Variants in PHACTR2 observed in about 807,000 individuals in gnomAD.
The protein encoded by PHACTR2 is phosphatase and actin regulator 2, also known as chromosome 6 open reading frame 56.
A neutral mutation model predicts 76.0 loss-of-function variants in PHACTR2; 30 were observed. That is an observed-to-expected ratio of 0.39 (90% confidence interval 0.30 to 0.54). PHACTR2 has a LOEUF of 0.54. Among genes scored for constraint, PHACTR2 ranks in the 20% least tolerant of loss-of-function variants. The pLI is 0.61. For missense variants in PHACTR2, 696 were observed against 781.1 expected, an observed-to-expected ratio of 0.89 and a Z score of 1.30; for synonymous variants, 292 against 292.5, an observed-to-expected ratio of 1.00 and a Z score of 0.02.
chr6:143,637,092 A>C (rs1776468181), intron 1 of PHACTR2, among the ~76,000 whole-genome samples: 1 of 152,176 alleles, frequency 6.6e-6, no homozygotes, highest in African/African-American at 2.4e-5. Context: ...AGTGGTAGGG[A>C]TGGAGTGTCC....
intron 1 of PHACTR2, among the ~76,000 whole-genome samples, chr6:143,694,787 C>T (rs748811535): frequency 2.0e-5 from 3 of 152,330 alleles, no homozygotes; most frequent in Admixed American, 6.5e-5. Context: ...TGATTCATTA[C>T]GACTAACTGC....
chr6:143,740,852 T>C (rs1778925200), intron 2 of PHACTR2, among the ~76,000 whole-genome samples: 1 of 152,236 alleles, frequency 6.6e-6, no homozygotes, highest in Non-Finnish European at 1.5e-5. Context: ...AGCAGGAGTC[T>C]TTTGGTTACA....
rs756307843 is a variant in PHACTR2 at position 143,760,558 on chromosome 6, T to TA, written c.620dup (p.Asn207LysfsTer7). ...ACAAAGGTGATGAAGTGCCTCCCAT[T>TA]AAAAAAAATACCAAGGCTCCTGGTA... On this transcript the variant is annotated frameshift_variant, in exon 5 of 13. Coordinates refer to ENST00000440869, the MANE Select transcript of PHACTR2 (RefSeq NM_001100164.2). LOFTEE classifies it high-confidence loss of function. This position sits in a 1 kb window ranked among gnomAD's most constrained non-coding sequence, Gnocchi z 6.4. 41 of 1,609,498 alleles carry TA rather than the reference T, an allele frequency of 2.5e-5. No homozygotes were observed. The highest frequency in any genetic ancestry group is 3.2e-5 in the Non-Finnish European group (38 of 1,176,724).
At chr6:143,560,689 A>T (rs989352460) in intron 1 of PHACTR2, among the ~76,000 whole-genome samples, 1 of 152,148 alleles carries the variant, frequency 6.6e-6, no homozygotes, top group African/African-American at 2.4e-5. Context: ...TTGCCAAGAG[A>T]GGTCACCCAG....
Position 143,683,603 on chromosome 6 carries a change from T to C in PHACTR2, c.46+5394T>C, listed in dbSNP as rs1289420778. On this transcript the variant is annotated intron_variant, in intron 1 of 12. Coordinates refer to ENST00000440869, the MANE Select transcript of PHACTR2 (RefSeq NM_001100164.2). The surrounding 1 kb of genome is among the most constrained non-coding windows in gnomAD (Gnocchi z 4.1). ...ATCACACCTATGTTGTGATAGAACC[T>C]GTATTCATCTGTGTCTCTGGGTTTC... is the stretch of plus-strand genomic sequence containing the variant. Among the ~76,000 whole-genome samples the C allele has an allele frequency of 6.6e-6, 1 of 152,238 alleles. No homozygotes were observed. The highest frequency in any genetic ancestry group is 1.9e-4 in the East Asian group (1 of 5,196).
At chr6:143,778,874 T>C (rs1196716768) in intron 9 of PHACTR2, among the ~76,000 whole-genome samples, 3 of 152,222 alleles carry the variant, frequency 2.0e-5, no homozygotes, top group Non-Finnish European at 2.9e-5. Flanking sequence ...AGTTTGGTTA[T>C]CTGAGGAACT....
At chr6:143,728,200 C>CTTTTTTTTTTCTTTTTTTTT (rs1778618287) in intron 2 of PHACTR2, among the ~76,000 whole-genome samples, 1 of 131,382 alleles carries the variant, frequency 7.6e-6, no homozygotes, top group African/African-American at 2.9e-5. Flanking sequence ...TCTTTCTTTC[C>CTTTTTTTTTTCTTTTTTTTT]TTTTTTTTTT....
At position 143,793,627 on chromosome 6, in the gene PHACTR2, C is replaced by A. The variant is rs972105070; in HGVS notation, c.1845+4717C>A. On this transcript the variant is annotated intron_variant, in intron 11 of 12. Transcript: ENST00000440869. This position sits in a 1 kb window ranked among gnomAD's most constrained non-coding sequence, Gnocchi z 4.4. ...TTCTTTTAAATAGAAAAAATATTGG[C>A]CAGGCATGGTGGCTCATGCCTGTAA... 1.3e-5 allele frequency among the ~76,000 whole-genome samples: 2 copies of A among 152,030 alleles called. No homozygotes were observed. The highest frequency in any genetic ancestry group is 2.4e-5 in the African/African-American group (1 of 41,390).
intron 11 of PHACTR2, among the ~76,000 whole-genome samples, chr6:143,802,441 A>G (rs1052836602): frequency 2.6e-4 from 39 of 151,154 alleles, no homozygotes; most frequent in Admixed American, 2.3e-3. Context: ...GGAGTTCAAG[A>G]CCAGCCTGGG....
Position 143,753,455 on chromosome 6 carries a change from C to T in PHACTR2, c.296-299C>T, listed in dbSNP as rs1042478648. ...TGACAAAGAAACACATAACTATTGACTTCAGACAAACCTAAGCACATGAAC... is the reference window on the plus strand; with the variant it reads ...TGACAAAGAAACACATAACTATTGATTTCAGACAAACCTAAGCACATGAAC... On this transcript the variant is annotated intron_variant, in intron 3 of 12. Transcript: ENST00000440869. This position sits in a 1 kb window ranked among gnomAD's most constrained non-coding sequence, Gnocchi z 4.6. Among the ~76,000 whole-genome samples, 1 of 152,158 alleles carries T rather than the reference C, an allele frequency of 6.6e-6. No homozygotes were observed. The highest frequency in any genetic ancestry group is 2.4e-5 in the African/African-American group (1 of 41,444).
chr6:143,660,232 C>T (rs1241308469), intron 1 of PHACTR2, among the ~76,000 whole-genome samples: 1 of 148,428 alleles, frequency 6.7e-6, no homozygotes, highest in African/African-American at 2.5e-5. Context: ...ATACCCAAGA[C>T]CGAGCAATTT....
chr6:143,631,153 T>G (rs1274713241), intron 1 of PHACTR2, among the ~76,000 whole-genome samples: 1 of 152,204 alleles, frequency 6.6e-6, no homozygotes, highest in Non-Finnish European at 1.5e-5. Context: ...TCAAGAAGAT[T>G]TAACCTTCTA....
In PHACTR2 at chr6:143,646,174, C is replaced by G. The variant is rs186349758; in HGVS notation, c.13+37852C>G. 6.6e-6 allele frequency among the ~76,000 whole-genome samples: 1 copy of G among 152,112 alleles called. No homozygotes were observed. Among genetic ancestry groups the G allele is most frequent in the East Asian group, 1.9e-4 (1 of 5,184 alleles). ...TATGTCTGAGGTCATAGGCTGGGTA[C>G]AAGAGAGGTATAAATTAGGCTCAAA... On this transcript the variant is annotated intron_variant, in intron 1 of 11. Transcript: ENST00000305766. This position sits in a 1 kb window ranked among gnomAD's most constrained non-coding sequence, Gnocchi z 4.1.
chr6:143,784,049 A>G lies in PHACTR2; in HGVS notation c.1707+769A>G, dbSNP rs1156874269. Among the ~76,000 whole-genome samples, 6 of 149,840 alleles carry G rather than the reference A, an allele frequency of 4.0e-5. No homozygotes were observed. The highest frequency in any genetic ancestry group is 2.0e-4 in the East Asian group (1 of 5,122). On this transcript the variant is annotated intron_variant, in intron 10 of 12. Transcript: ENST00000440869. The surrounding 1 kb of genome is among the most constrained non-coding windows in gnomAD (Gnocchi z 4.5). ...GATTAGAACAATGAAAAAAAAAAAG[A>G]AAAAAAGAAGTGAAAAAAGTTTTTA...
rs914887634 is a variant in PHACTR2 at position 143,688,324 on chromosome 6, G to A, written c.46+10115G>A. On this transcript the variant is annotated intron_variant, in intron 1 of 12. Transcript: ENST00000440869. The surrounding 1 kb of genome is among the most constrained non-coding windows in gnomAD (Gnocchi z 5.2). ...TGGAATAATCCAGCAAGGTGAAGTG[G>A]ATGCCTGATCTGGGGTGAGGGGTGG... 6.6e-6 allele frequency among the ~76,000 whole-genome samples: 1 copy of A among 152,082 alleles called. No individual in the cohort carries two copies. The highest frequency in any genetic ancestry group is 2.4e-5 in the African/African-American group (1 of 41,420).
At position 143,783,005 on chromosome 6, in the gene PHACTR2, A is replaced by ATGTGTGTGTGTGTG. The variant is rs144077213; in HGVS notation, c.1646-196_1646-183dup. Among the ~76,000 whole-genome samples, 330 of 146,234 alleles carry ATGTGTGTGTGTGTG rather than the reference A, an allele frequency of 2.3e-3. No individual in the cohort carries two copies. Among genetic ancestry groups the ATGTGTGTGTGTGTG allele is most frequent in the Non-Finnish European group, 3.5e-3 (235 of 66,428 alleles). ...AGCAAACCAGTCCTACAAAAAAAGCATGTGTGTGTGTGTGTGTGTGTGTGT... is the reference window on the plus strand; with the variant it reads ...AGCAAACCAGTCCTACAAAAAAAGCATGTGTGTGTGTGTGTGTGTGTGTGTGTGTGTGTGTGTGT... On this transcript the variant is annotated intron_variant, in intron 9 of 12. Transcript: ENST00000440869. The surrounding 1 kb of genome is among the most constrained non-coding windows in gnomAD (Gnocchi z 5.2).
rs1424162025 is a variant in PHACTR2, at chr6:143,771,323, TTTCCCAGGCTCAAGCAATCC to T, written c.1233-919_1233-900del. ...CTAGCATGGCTCACTGCAGTCTCGA[TTTCCCAGGCTCAAGCAATCC>T]TTCCCAGGCTCAAGCTGGGACTACA... On this transcript the variant is annotated intron_variant, in intron 6 of 12. Transcript: ENST00000440869. Among the ~76,000 whole-genome samples, 5 of 146,070 alleles carry T rather than the reference TTTCCCAGGCTCAAGCAATCC, an allele frequency of 3.4e-5. No individual in the cohort carries two copies. In the South Asian group the frequency reaches 6.5e-4, roughly 19 times the overall value.
Position 143,641,132 on chromosome 6 carries a change from G to C in PHACTR2, c.13+32810G>C, listed in dbSNP as rs893144451. Among the ~76,000 whole-genome samples the C allele has an allele frequency of 4.6e-5, 7 of 152,214 alleles. No individual in the cohort carries two copies. The highest frequency in any genetic ancestry group is 1.7e-4 in the African/African-American group (7 of 41,436). On this transcript the variant is annotated intron_variant, in intron 1 of 11. Coordinates refer to the PHACTR2 transcript ENST00000305766. This position sits in a 1 kb window ranked among gnomAD's most constrained non-coding sequence, Gnocchi z 5.8. ...GTGTCACATGGCAGAAGGGCAAAGA[G>C]AGAGCAAGAGGGGGTTCAAACTTGC...
upstream of PHACTR2, among the ~76,000 whole-genome samples, chr6:143,607,837 C>T (rs1775902817): frequency 1.3e-5 from 2 of 152,186 alleles, no homozygotes; most frequent in African/African-American, 2.4e-5. Flanking sequence ...AAAGGCTGAA[C>T]CATATTTAGA....
Sources: allele counts gnomAD v4.1 joint callset (sites outside exome capture counted in the v4.1 genomes callset), GRCh38; gene constraint gnomAD v4.1.1; non-coding constraint Gnocchi (gnomAD v3.1); transcripts MANE v1.5; gene names NCBI Gene and HGNC (gene_info 2026-07-23, HGNC 2026-07-21).